SHANK2: variants seen among roughly 807,000 people sequenced by gnomAD.
SHANK2 encodes SH3 and multiple ankyrin repeat domains 2, also known as SH3 and multiple ankyrin repeat domains protein 2.
Under a neutral mutation model 133.7 loss-of-function variants are expected in SHANK2, and 43 were observed. The ratio of observed to expected loss-of-function variants is 0.32; its 90% CI spans 0.25 to 0.41. The LOEUF (loss-of-function observed/expected upper bound fraction) is 0.41. Ranked by LOEUF, SHANK2 falls within the 10% of genes least tolerant of loss-of-function variation. SHANK2 has a pLI of 1.00. For synonymous variants in SHANK2, 1,017 were observed against 952.8 expected, an observed-to-expected ratio of 1.07 and a Z score of -1.24; for missense variants, 1,994 against 2,235.8, an observed-to-expected ratio of 0.89 and a Z score of 2.18.
chr11:70,486,975 G>A lies in SHANK2; in HGVS notation c.3318C>T (p.Asp1106=), dbSNP rs782086001. ...CCAGGCCCACATCCTCATCCCCCAGGTCTGTGGAGAGGAAGGCCGGGGAGT... is the reference window on the plus strand; with the variant it reads ...CCAGGCCCACATCCTCATCCCCCAGATCTGTGGAGAGGAAGGCCGGGGAGT... ...RRNSPAFLST[D]LGDEDVGLGP... The change falls in exon 25 of 26, where the codon GAC becomes GAT. Residue 1106 remains aspartate (D), a synonymous_variant. Coordinates refer to ENST00000601538, the MANE Select transcript of SHANK2 (RefSeq NM_012309.5). This position sits in a 1 kb window ranked among gnomAD's most constrained non-coding sequence, Gnocchi z 8.0. 76 of 1,611,970 alleles carry A rather than the reference G, an allele frequency of 4.7e-5. No individual in the cohort carries two copies. In the South Asian group the frequency reaches 8.0e-4, roughly 17 times the overall value.
intron 14 of SHANK2, among the ~76,000 whole-genome samples, chr11:70,786,381 C>T (rs1555046475): frequency 1.3e-5 from 2 of 152,176 alleles, no homozygotes; most frequent in Non-Finnish European, 1.5e-5. Flanking sequence ...ACTGTAGCCA[C>T]AGTGCCCTGC....
chr11:71,195,428 A>G (rs1555116063), intron 2 of SHANK2, among the ~76,000 whole-genome samples: 1 of 152,102 alleles, frequency 6.6e-6, no homozygotes, highest in Admixed American at 6.5e-5. Context: ...TAATCTTGTC[A>G]TCACAGCCAA....
chr11:70,485,476 C>T lies in SHANK2; in HGVS notation c.4817G>A (p.Gly1606Asp). The change falls in exon 25 of 26, where the codon GGC (glycine) becomes GAC (aspartate). Residue 1606 changes from glycine to aspartate, a missense_variant. By Grantham distance (94) the Gly-to-Asp change is moderately conservative (BLOSUM62 -1). Around this residue, in one of 5 missense-constraint regions of SHANK2, gnomAD observed 797 missense variants for 907.4 expected, o/e 0.88. Coordinates refer to ENST00000601538, the MANE Select transcript of SHANK2 (RefSeq NM_012309.5). The surrounding 1 kb of genome is among the most constrained non-coding windows in gnomAD (Gnocchi z 5.8). ...CGGGCTTTTGATCTCTGTGACGTCG[C>T]CCCACAACTTGGAGGTCCTTGGCTG... ...VLQPRTSKLW[G>D]DVTEIKSPIL... 1 of 1,613,902 alleles carries T rather than the reference C, an allele frequency of 6.2e-7. No homozygotes were observed. The highest frequency in any genetic ancestry group is 8.5e-7 in the Non-Finnish European group (1 of 1,180,022).
intron 17 of SHANK2, among the ~76,000 whole-genome samples, chr11:70,657,664 T>G (rs972148059): frequency 6.6e-6 from 1 of 152,226 alleles, no homozygotes; most frequent in African/African-American, 2.4e-5. Flanking sequence ...ATAATCATAA[T>G]GCAGGCGCAG....
At chr11:71,167,494 C>A (rs1375773126) in intron 2 of SHANK2, among the ~76,000 whole-genome samples, 4 of 129,910 alleles carry the variant, frequency 3.1e-5, no homozygotes, top group African/African-American at 6.1e-5. Flanking sequence ...GGCGGCCGGG[C>A]AGAGGCGCCC....
At chr11:70,785,100 T>C (rs1310800462) in intron 14 of SHANK2, among the ~76,000 whole-genome samples, 1 of 152,090 alleles carries the variant, frequency 6.6e-6, no homozygotes, top group East Asian at 1.9e-4. Flanking sequence ...GTAGGATGCC[T>C]CCGTCCAGCA....
chr11:71,086,175 A>G (rs1951408448), intron 8 of SHANK2, among the ~76,000 whole-genome samples: 6 of 12,106 alleles, frequency 5.0e-4, no homozygotes, highest in Non-Finnish European at 9.2e-4. Context: ...TATATAATAT[A>G]TTATGTTATA....
chr11:71,085,859 T>TA (rs1951392761), intron 8 of SHANK2, among the ~76,000 whole-genome samples: 3 of 68 alleles, frequency 0.044, no homozygotes, highest in African/African-American at 0.12. Context: ...TATATTGTTA[T>TA]TTTAATATAT....
At chr11:70,854,550 G>C (rs1949139074) in intron 11 of SHANK2, among the ~76,000 whole-genome samples, 1 of 152,220 alleles carries the variant, frequency 6.6e-6, no homozygotes, top group Admixed American at 6.5e-5. Flanking sequence ...GAGGGAGAGG[G>C]ACCAAGGTCC....
At chr11:70,650,245 CT>C (rs1421558607) in intron 17 of SHANK2, among the ~76,000 whole-genome samples, 1 of 152,214 alleles carries the variant, frequency 6.6e-6, no homozygotes, top group Admixed American at 6.5e-5. Flanking sequence ...ATGTTGGCTC[CT>C]TGGCCCCTCC....
chr11:70,711,248 G>A lies in SHANK2; in HGVS notation c.1778-12485C>T, dbSNP rs958338556. On this transcript the variant is annotated intron_variant, in intron 14 of 25. Coordinates refer to ENST00000601538, the MANE Select transcript of SHANK2 (RefSeq NM_012309.5). ...GTCCGCTCTGGCCACCCTTCCTGCC[G>A]TTTAGAGGGCTCAGGGTCACCCGGG... 7.2e-5 allele frequency among the ~76,000 whole-genome samples: 11 copies of A among 152,284 alleles called. No individual in the cohort carries two copies. The East Asian group carries it at 1.2e-3, about 16-fold the overall frequency.
At chr11:70,911,600 C>T (rs4246962) in intron 10 of SHANK2, among the ~76,000 whole-genome samples, 143,714 of 152,176 alleles carry the variant, frequency 0.94, 68,085 homozygotes, top group Non-Finnish European at 0.99. Context: ...ATTAATTATC[C>T]GTTTTCCCAG....
chr11:71,087,988 A>C (rs1469066111), intron 8 of SHANK2, among the ~76,000 whole-genome samples: 3 of 152,146 alleles, frequency 2.0e-5, no homozygotes, highest in Non-Finnish European at 4.4e-5. Context: ...CTCATTCACT[A>C]AAGGAAACCT....
chr11:70,928,796 G>T (rs531376918), intron 10 of SHANK2, among the ~76,000 whole-genome samples: 1 of 152,274 alleles, frequency 6.6e-6, no homozygotes, highest in Admixed American at 6.5e-5. Flanking sequence ...CGTGAACCCG[G>T]ACAGGTGGTA....
chr11:70,491,345 AC>A (rs34588288), intron 22 of SHANK2, among the ~76,000 whole-genome samples: 3 of 151,668 alleles, frequency 2.0e-5, no homozygotes, highest in East Asian at 3.9e-4. Flanking sequence ...TGTCTCAGAC[AC>A]CCCCCCAACT....
At chr11:70,825,783 T>TG (rs1555057075) in intron 11 of SHANK2, among the ~76,000 whole-genome samples, 9 of 151,688 alleles carry the variant, frequency 5.9e-5, no homozygotes, top group Admixed American at 1.3e-4. Flanking sequence ...ATGATTTTTT[T>TG]TTGTGAAAAG....
chr11:70,941,737 G>A (rs1281864896), intron 10 of SHANK2, among the ~76,000 whole-genome samples: 4 of 152,114 alleles, frequency 2.6e-5, no homozygotes, highest in South Asian at 2.1e-4. Flanking sequence ...AACCTTGCTC[G>A]GACTTCCAGC....
intron 12 of SHANK2, among the ~76,000 whole-genome samples, chr11:70,817,061 C>G (rs1165486959): frequency 6.6e-6 from 1 of 152,232 alleles, no homozygotes; most frequent in Non-Finnish European, 1.5e-5. Context: ...TGGCCCTATG[C>G]AGGGACAGAA....
intron 12 of SHANK2, among the ~76,000 whole-genome samples, chr11:70,811,624 ATCATCCATCCAC>A (rs1212680474): frequency 7.0e-6 from 1 of 142,482 alleles, no homozygotes; most frequent in East Asian, 2.0e-4. Flanking sequence ...CTACCTATCC[ATCATCCATCCAC>A]TCATCCATCC....
Sources: gnomAD v4.1 joint callset for allele counts (sites outside exome capture counted in the v4.1 genomes callset) on GRCh38, gnomAD v4.1.1 for gene constraint, gnomAD v4.1.1 regional missense constraint, Gnocchi (gnomAD v3.1) non-coding constraint, MANE v1.5 for transcripts, NCBI Gene and HGNC (gene_info 2026-07-23, HGNC 2026-07-21) for gene names.